ASB18: variants seen among roughly 807,000 people sequenced by gnomAD.
The protein encoded by ASB18 is ankyrin repeat and SOCS box protein 18.
ASB18 carries 33 observed loss-of-function variants against 33.4 expected under a neutral mutation model. That is an observed-to-expected ratio of 0.99 (90% CI 0.75 to 1.32). The LOEUF (loss-of-function observed/expected upper bound fraction) is 1.32, where lower values mean the gene tolerates loss of function less well. ASB18 is among the 40% of genes most tolerant of loss of function. The pLI is 0.00. For synonymous variants in ASB18, 295 were observed against 307.6 expected, an observed-to-expected ratio of 0.96 and a Z score of 0.43; for missense variants, 694 against 655.5, an observed-to-expected ratio of 1.06 and a Z score of -0.64.
Position 236,216,657 on chromosome 2 carries a change from C to T in ASB18, c.597-1791G>A, listed in dbSNP as rs186030760. ...CCTTTGTTGAGGCCACATCGTTTCT[C>T]GGAATGCTTATAAGTCTCTTCATTT... is the stretch of plus-strand genomic sequence containing the variant. On this transcript the variant is annotated intron_variant, in intron 3 of 5. Coordinates refer to ENST00000409749, the MANE Select transcript of ASB18 (RefSeq NM_212556.4). The surrounding 1 kb of genome is among the most constrained non-coding windows in gnomAD (Gnocchi z 6.1). 1.3e-5 allele frequency among the ~76,000 whole-genome samples: 2 copies of T among 152,320 alleles called. No homozygotes were observed. The highest frequency in any genetic ancestry group is 2.9e-5 in the Non-Finnish European group (2 of 68,028).
rs2060448882 is a variant in ASB18, at chr2:236,209,385, G to A, written c.1101+4977C>T. 6.6e-6 allele frequency among the ~76,000 whole-genome samples: 1 copy of A among 151,120 alleles called. No homozygotes were observed. The highest frequency in any genetic ancestry group is 1.5e-5 in the Non-Finnish European group (1 of 67,938). ...CCCCCTGGGTTTAGGTAATCCTCCT[G>A]TCTCAGCCTCCTGAGTAACTGGGAC... is the stretch of plus-strand genomic sequence containing the variant. On this transcript the variant is annotated intron_variant, in intron 4 of 5. Transcript: ENST00000409749. The surrounding 1 kb of genome is among the most constrained non-coding windows in gnomAD (Gnocchi z 4.4).
chr2:236,259,159 T>C lies in ASB18; in HGVS notation c.205+4982A>G, dbSNP rs2060706756. 6.6e-6 allele frequency among the ~76,000 whole-genome samples: 1 copy of C among 152,204 alleles called. No individual in the cohort carries two copies. Among genetic ancestry groups the C allele is most frequent in the African/African-American group, 2.4e-5 (1 of 41,438 alleles). ...GCACAAATAATGCAGTTGTTGCTAA[T>C]ATTAAACAGTAGAGACTTGGCTTTA... On this transcript the variant is annotated intron_variant, in intron 1 of 5. Coordinates refer to ENST00000409749, the MANE Select transcript of ASB18 (RefSeq NM_212556.4). This position sits in a 1 kb window ranked among gnomAD's most constrained non-coding sequence, Gnocchi z 4.4.
chr2:236,253,464 A>G lies in ASB18; in HGVS notation c.205+10677T>C, dbSNP rs557620187. Among the ~76,000 whole-genome samples the G allele has an allele frequency of 6.6e-6, 1 of 152,018 alleles. No individual in the cohort carries two copies. Among genetic ancestry groups the G allele is most frequent in the African/African-American group, 2.4e-5 (1 of 41,460 alleles). On this transcript the variant is annotated intron_variant, in intron 1 of 5. Transcript: ENST00000409749. The surrounding 1 kb of genome is among the most constrained non-coding windows in gnomAD (Gnocchi z 5.4). ...ACAGTCATAGCTCACTGTAACCTGA[A>G]CTCCTGGGCGCAAGCGATCCTTCCA...
rs1287072310 is a variant in ASB18 at position 236,260,124 on chromosome 2, C to T, written c.205+4017G>A. On this transcript the variant is annotated intron_variant, in intron 1 of 5. Transcript: ENST00000409749. This position sits in a 1 kb window ranked among gnomAD's most constrained non-coding sequence, Gnocchi z 5.1. ...CAAGTGATCATGTTAACATGCAGAG[C>T]GAATGGTTACTTTTCTTTTTCTTAT... 6.6e-6 allele frequency among the ~76,000 whole-genome samples: 1 copy of T among 152,186 alleles called. No individual in the cohort carries two copies. Among genetic ancestry groups the T allele is most frequent in the African/African-American group, 2.4e-5 (1 of 41,442 alleles).
chr2:236,208,038 G>A lies in ASB18; in HGVS notation c.1101+6324C>T, dbSNP rs549172049. On this transcript the variant is annotated intron_variant, in intron 4 of 5. Transcript: ENST00000409749. The surrounding 1 kb of genome is among the most constrained non-coding windows in gnomAD (Gnocchi z 7.7). ...GACAGGAGCTGTTCTTTCTAGACTG[G>A]GCATCATATCGACATCATAAGAGCT... Among the ~76,000 whole-genome samples the A allele has an allele frequency of 1.3e-5, 2 of 151,758 alleles. No individual in the cohort carries two copies. Among genetic ancestry groups the A allele is most frequent in the East Asian group, 3.9e-4 (2 of 5,142 alleles).
Position 236,225,143 on chromosome 2 carries a change from A to G in ASB18, c.597-10277T>C, listed in dbSNP as rs1482204307. ...TTAATTTATTTTTTGTTTTTTTAAG[A>G]CAGAGTCTCACTCTGTCACTCAGGT... On this transcript the variant is annotated intron_variant, in intron 3 of 5. Transcript: ENST00000409749. This position sits in a 1 kb window ranked among gnomAD's most constrained non-coding sequence, Gnocchi z 5.1. Among the ~76,000 whole-genome samples, 1 of 152,068 alleles carries G rather than the reference A, an allele frequency of 6.6e-6. No individual in the cohort carries two copies. Among genetic ancestry groups the G allele is most frequent in the Non-Finnish European group, 1.5e-5 (1 of 68,018 alleles).
rs1020334976 is a variant in ASB18, at chr2:236,262,773, C to T, written c.205+1368G>A. Among the ~76,000 whole-genome samples the T allele has an allele frequency of 3.3e-5, 5 of 152,124 alleles. No individual in the cohort carries two copies. Among genetic ancestry groups the T allele is most frequent in the Admixed American group, 6.5e-5 (1 of 15,282 alleles). Reference sequence around the variant, plus strand: ...CATGGCTCCTGGGCCTATGGACCCCCGCCAGATATTAGGAAAACCAAGGTG... The same window carrying T: ...CATGGCTCCTGGGCCTATGGACCCCTGCCAGATATTAGGAAAACCAAGGTG... On this transcript the variant is annotated intron_variant, in intron 1 of 5. Transcript: ENST00000409749. The surrounding 1 kb of genome is among the most constrained non-coding windows in gnomAD (Gnocchi z 5.2).
rs1279412957 is a variant in ASB18 at position 236,239,643 on chromosome 2, CTG to C, written c.328+1635_328+1636del. On this transcript the variant is annotated intron_variant, in intron 2 of 5. Coordinates refer to ENST00000409749, the MANE Select transcript of ASB18 (RefSeq NM_212556.4). This position sits in a 1 kb window ranked among gnomAD's most constrained non-coding sequence, Gnocchi z 5.6. ...TCCCCCATGTCAGTGCTCTCTATGA[CTG>C]TGGGCTGGATGGGCCAGCATTCTAT... 6.6e-6 allele frequency among the ~76,000 whole-genome samples: 1 copy of C among 152,206 alleles called. No individual in the cohort carries two copies. Among genetic ancestry groups the C allele is most frequent in the Non-Finnish European group, 1.5e-5 (1 of 68,040 alleles).
At position 236,256,386 on chromosome 2, in the gene ASB18, C is replaced by T. The variant is rs1483867401; in HGVS notation, c.205+7755G>A. Among the ~76,000 whole-genome samples the T allele has an allele frequency of 6.6e-6, 1 of 152,148 alleles. No individual in the cohort carries two copies. Among genetic ancestry groups the T allele is most frequent in the African/African-American group, 2.4e-5 (1 of 41,440 alleles). ...ATGTGGCAAATAAGACAAACCTAGTCCCTGTCCAATATCCAGGTGCAGAGG... is the reference window on the plus strand; with the variant it reads ...ATGTGGCAAATAAGACAAACCTAGTTCCTGTCCAATATCCAGGTGCAGAGG... On this transcript the variant is annotated intron_variant, in intron 1 of 5. Transcript: ENST00000409749. The surrounding 1 kb of genome is among the most constrained non-coding windows in gnomAD (Gnocchi z 4.7).
rs1289058444 is a variant in ASB18 at position 236,203,032 on chromosome 2, G to A, written c.1102-6647C>T. ...TGGTATTTGCATTTAGTTTTACAATGTGTTTCCCAATTATTTGTCCCTGTT... is the reference window on the plus strand; with the variant it reads ...TGGTATTTGCATTTAGTTTTACAATATGTTTCCCAATTATTTGTCCCTGTT... On this transcript the variant is annotated intron_variant, in intron 4 of 5. Transcript: ENST00000409749. The surrounding 1 kb of genome is among the most constrained non-coding windows in gnomAD (Gnocchi z 6.0). 6.6e-6 allele frequency among the ~76,000 whole-genome samples: 1 copy of A among 151,898 alleles called. No homozygotes were observed. Among genetic ancestry groups the A allele is most frequent in the Non-Finnish European group, 1.5e-5 (1 of 68,016 alleles).
In ASB18 at chr2:236,200,504, CCAGT is replaced by C. The variant is rs1413150729; in HGVS notation, c.1102-4123_1102-4120del. Among the ~76,000 whole-genome samples, 1 of 152,228 alleles carries C rather than the reference CCAGT, an allele frequency of 6.6e-6. No individual in the cohort carries two copies. Among genetic ancestry groups the C allele is most frequent in the African/African-American group, 2.4e-5 (1 of 41,454 alleles). ...GGTATTACCACCCTGGGCTGAAGGG[CCAGT>C]CAGGTGAGCTGTCGTAGCAGAAGCA... is the stretch of plus-strand genomic sequence containing the variant. On this transcript the variant is annotated intron_variant, in intron 4 of 5. Transcript: ENST00000409749. This position sits in a 1 kb window ranked among gnomAD's most constrained non-coding sequence, Gnocchi z 4.2.
Position 236,193,704 on chromosome 2 carries a change from G to A in ASB18, c.*1168C>T, listed in dbSNP as rs1209318897. On this transcript the variant is annotated 3_prime_UTR_variant, in exon 6 of 6. Coordinates refer to ENST00000409749, the MANE Select transcript of ASB18 (RefSeq NM_212556.4). This position sits in a 1 kb window ranked among gnomAD's most constrained non-coding sequence, Gnocchi z 5.0. The stretch of plus-strand genomic sequence containing the variant: ...CCAGCTACCAGGAAGGCTGAAGCAG[G>A]AGAATTGCTTGAACCTGGGAGGCGG... Among the ~76,000 whole-genome samples, 2 of 152,222 alleles carry A rather than the reference G, an allele frequency of 1.3e-5. No homozygotes were observed. Among genetic ancestry groups the A allele is most frequent in the African/African-American group, 4.8e-5 (2 of 41,468 alleles).
rs1286364002 is a variant in ASB18, at chr2:236,208,649, G to C, written c.1101+5713C>G. ...CCCCACCGGGTCACAGACTGTGACA[G>C]AGTCTTATTGCCTGTCTCTGGGAAT... On this transcript the variant is annotated intron_variant, in intron 4 of 5. Transcript: ENST00000409749. The surrounding 1 kb of genome is among the most constrained non-coding windows in gnomAD (Gnocchi z 7.7). Among the ~76,000 whole-genome samples, 1 of 152,040 alleles carries C rather than the reference G, an allele frequency of 6.6e-6. No individual in the cohort carries two copies. Among genetic ancestry groups the C allele is most frequent in the Non-Finnish European group, 1.5e-5 (1 of 68,024 alleles).
In ASB18 at chr2:236,235,988, C is replaced by G. The variant is rs1412156599; in HGVS notation, c.596+1701G>C. ...GGATTACCGGCATGAGCCACCGCAC[C>G]TAGCCTAACAGTTATGTTCTTAATC... is the stretch of plus-strand genomic sequence containing the variant. On this transcript the variant is annotated intron_variant, in intron 3 of 5. Transcript: ENST00000409749. This position sits in a 1 kb window ranked among gnomAD's most constrained non-coding sequence, Gnocchi z 6.2. 6.6e-6 allele frequency among the ~76,000 whole-genome samples: 1 copy of G among 152,218 alleles called. No individual in the cohort carries two copies. The highest frequency in any genetic ancestry group is 1.5e-5 in the Non-Finnish European group (1 of 68,042).
intron 3 of ASB18, among the ~76,000 whole-genome samples, chr2:236,230,471 A>G (rs1429497121): frequency 6.6e-6 from 1 of 151,592 alleles, no homozygotes; most frequent in Non-Finnish European, 1.5e-5. Flanking sequence ...CTTGTTTCTT[A>G]TTACTTCAAT....
intron 1 of ASB18, among the ~76,000 whole-genome samples, chr2:236,247,064 A>G (rs1164620668): frequency 2.0e-5 from 3 of 152,024 alleles, no homozygotes; most frequent in Non-Finnish European, 4.4e-5. Context: ...ATTTGTCAAC[A>G]GCTTCCTAAG....
At position 236,259,404 on chromosome 2, in the gene ASB18, G is replaced by A; in HGVS notation, c.205+4737C>T. On this transcript the variant is annotated intron_variant, in intron 1 of 5. Coordinates refer to ENST00000409749, the MANE Select transcript of ASB18 (RefSeq NM_212556.4). The surrounding 1 kb of genome is among the most constrained non-coding windows in gnomAD (Gnocchi z 4.4). ...GCGAGGTTCTGGCCCTAGAAGAGGTGGCATTCAGGTTTGAATTATCCAGTT... is the reference window on the plus strand; with the variant it reads ...GCGAGGTTCTGGCCCTAGAAGAGGTAGCATTCAGGTTTGAATTATCCAGTT... 1 of 417,416 alleles carries A rather than the reference G, an allele frequency of 2.4e-6. No homozygotes were observed. Among genetic ancestry groups the A allele is most frequent in the Admixed American group, 2.5e-5 (1 of 40,128 alleles). 25.9% of individuals were successfully genotyped at this position (417,416 alleles called of 1,614,324 possible). A position where few individuals can be genotyped will look rare whatever the true frequency, so the allele number is the denominator to read the frequency against.
rs1253876958 is a variant in ASB18 at position 236,219,551 on chromosome 2, G to C, written c.597-4685C>G. Among the ~76,000 whole-genome samples the C allele has an allele frequency of 3.9e-5, 6 of 152,170 alleles. No individual in the cohort carries two copies. The highest frequency in any genetic ancestry group is 1.2e-4 in the African/African-American group (5 of 41,450). On this transcript the variant is annotated intron_variant, in intron 3 of 5. Coordinates refer to ENST00000409749, the MANE Select transcript of ASB18 (RefSeq NM_212556.4). This position sits in a 1 kb window ranked among gnomAD's most constrained non-coding sequence, Gnocchi z 6.4. ...TGATAACAATCGTGGGGACCTCTCA[G>C]ACCTGACCCCAGGACCCAGGCCCAT...
rs551939358 is a variant in ASB18 at position 236,234,601 on chromosome 2, G to A, written c.596+3088C>T. On this transcript the variant is annotated intron_variant, in intron 3 of 5. Coordinates refer to ENST00000409749, the MANE Select transcript of ASB18 (RefSeq NM_212556.4). The surrounding 1 kb of genome is among the most constrained non-coding windows in gnomAD (Gnocchi z 4.1). ...TGCACATGCTTGACAAGAGAGCTCAGAAATAAACTCACGCATATATAGTCC... is the reference window on the plus strand; with the variant it reads ...TGCACATGCTTGACAAGAGAGCTCAAAAATAAACTCACGCATATATAGTCC... Among the ~76,000 whole-genome samples the A allele has an allele frequency of 6.6e-6, 1 of 152,290 alleles. No homozygotes were observed. The highest frequency in any genetic ancestry group is 2.1e-4 in the South Asian group (1 of 4,826).
Sources: allele counts gnomAD v4.1 joint callset (sites outside exome capture counted in the v4.1 genomes callset), GRCh38; gene constraint gnomAD v4.1.1; non-coding constraint Gnocchi (gnomAD v3.1); transcripts MANE v1.5; gene names NCBI Gene and HGNC (gene_info 2026-07-23, HGNC 2026-07-21).